Variants in VTN observed in about 807,000 individuals in gnomAD.
VTN encodes complement S-protein.
In VTN, 45 loss-of-function variants were observed where a neutral mutation model predicts 55.9. The ratio of observed to expected loss-of-function variants is 0.80; its 90% CI spans 0.63 to 1.03. The LOEUF (loss-of-function observed/expected upper bound fraction) is 1.03. Among genes scored for constraint, VTN ranks in the 50% least tolerant of loss-of-function variants. The probability of loss-of-function intolerance (pLI) is 0.00; values close to 1 mark genes in which losing one functional copy is unlikely to be tolerated. For missense variants in VTN, 589 were observed against 638.2 expected, an observed-to-expected ratio of 0.92 and a Z score of 0.83; for synonymous variants, 238 against 242.3, an observed-to-expected ratio of 0.98 and a Z score of 0.17.
rs368937297 is a variant in VTN at position 28,370,154 on chromosome 17, G to C, written c.50C>G (p.Ala17Gly). 9 of 1,613,670 alleles carry C rather than the reference G, an allele frequency of 5.6e-6. No individual in the cohort carries two copies. The highest frequency in any genetic ancestry group is 1.3e-5 in the African/African-American group (1 of 74,904). The change falls in exon 1 of 8, where the codon GCT (alanine) becomes GGT (glycine). Residue 17 changes from alanine (A) to glycine (G), a missense_variant. Around this residue, in one of 3 missense-constraint regions of VTN, gnomAD observed 217 missense variants for 241.3 expected, o/e 0.90. Transcript: ENST00000226218. The stretch of plus-strand genomic sequence containing the variant: ...CTCCCCTGTACCTTGGTCAGCCAGA[G>C]CAACCCATGCCAGCAGGGCCAGTAT... ...LLILALLAWV[A>G]LADQESCKGR...
chr17:28,370,233 G>T lies in VTN; in HGVS notation c.-30C>A. ...GGGCTTCTAGCTCAGTGCCTGGCAA[G>T]CTGGGCTCTGGTCTCCCTGAAGTCT... is the stretch of plus-strand genomic sequence containing the variant. On this transcript the variant is annotated 5_prime_UTR_variant, in exon 1 of 8. Transcript: ENST00000226218. 2 of 1,599,360 alleles carry T rather than the reference G, an allele frequency of 1.3e-6. No homozygotes were observed. The highest frequency in any genetic ancestry group is 1.7e-6 in the Non-Finnish European group (2 of 1,170,962).
At position 28,370,261 on chromosome 17, in the gene VTN, G is replaced by A. The variant is rs1213089363; in HGVS notation, c.-58C>T. On this transcript the variant is annotated 5_prime_UTR_variant, in exon 1 of 8. Transcript: ENST00000226218. The stretch of plus-strand genomic sequence containing the variant: ...GGGCTCTGGTCTCCCTGAAGTCTCC[G>A]CTCTGATGCCTGAGGAAGGGAGGGA... The A allele has an allele frequency of 1.2e-5, 18 of 1,551,138 alleles. No homozygotes were observed. The highest frequency in any genetic ancestry group is 6.8e-5 in the East Asian group (3 of 44,202).
At position 28,367,998 on chromosome 17, in the gene VTN, G is replaced by C; in HGVS notation, c.1041C>G (p.Asp347Glu). ...TGTAGATGCGGCCAGCCATGGCTGC[G>C]TCCACTTGCCCTGGCACACCGTGCC... ...RDWHGVPGQV[D>E]AAMAGRIYIS... The change falls in exon 7 of 8, where the codon GAC (aspartate) becomes GAG (glutamate). Residue 347 changes from aspartate (D) to glutamate (E), a missense_variant. This residue lies in a region of VTN where 334 missense variants were observed against 328.2 expected (regional missense o/e 1.02). Coordinates refer to ENST00000226218, the MANE Select transcript of VTN (RefSeq NM_000638.4). 6.3e-7 allele frequency: 1 copy of C among 1,593,150 alleles called. No homozygotes were observed. The highest frequency in any genetic ancestry group is 8.5e-7 in the Non-Finnish European group (1 of 1,169,882).
At position 28,369,431 on chromosome 17, in the gene VTN, A is replaced by G. The variant is rs2067934261; in HGVS notation, c.530-3T>C. ...GTCCAGTTCATAGCAGTACTGCCCT[A>G]GAGTGGAGGAGATGGTGTGAGAGCA... On this transcript the variant is annotated splice_polypyrimidine_tract_variant and splice_region_variant and intron_variant, in intron 3 of 7. Coordinates refer to ENST00000226218, the MANE Select transcript of VTN (RefSeq NM_000638.4). The surrounding 1 kb of genome is among the most constrained non-coding windows in gnomAD (Gnocchi z 5.3). 1.3e-6 allele frequency: 2 copies of G among 1,590,858 alleles called. No homozygotes were observed. The highest frequency in any genetic ancestry group is 8.6e-7 in the Non-Finnish European group (1 of 1,165,374).
In VTN at chr17:28,369,264, T is replaced by C. The variant is rs1022345695; in HGVS notation, c.669+25A>G. ...TCTCAAACCCTCCCTAGATGCTTTCTACCCTGGCCCACAGCCCCTGGCACC... is the reference window on the plus strand; with the variant it reads ...TCTCAAACCCTCCCTAGATGCTTTCCACCCTGGCCCACAGCCCCTGGCACC... On this transcript the variant is annotated intron_variant, in intron 4 of 7. Coordinates refer to ENST00000226218, the MANE Select transcript of VTN (RefSeq NM_000638.4). The surrounding 1 kb of genome is among the most constrained non-coding windows in gnomAD (Gnocchi z 5.3). The C allele has an allele frequency of 6.4e-7, 1 of 1,559,224 alleles. No homozygotes were observed. The highest frequency in any genetic ancestry group is 2.3e-5 in the East Asian group (1 of 44,110).
At position 28,367,842 on chromosome 17, in the gene VTN, G is replaced by A; in HGVS notation, c.1197C>T (p.Ala399=). The change falls in exon 7 of 8, where the codon GCC becomes GCT. Residue 399 remains alanine, a synonymous_variant. Coordinates refer to ENST00000226218, the MANE Select transcript of VTN (RefSeq NM_000638.4). ...CACTGGAGAACAAGGACAGCCACGT[G>A]GCGCGGGATGGCCGGCGGGAGTTCT... The part of the protein sequence containing the change: ...RNQNSRRPSR[A]TWLSLFSSEE... The A allele has an allele frequency of 6.2e-7, 1 of 1,614,146 alleles. No individual in the cohort carries two copies. The highest frequency in any genetic ancestry group is 8.5e-7 in the Non-Finnish European group (1 of 1,180,038).
chr17:28,369,981 A>G lies in VTN; in HGVS notation c.130T>C (p.Cys44Arg). Residue 44 changes from cysteine (C) to arginine (R), a missense_variant, in exon 2 of 8, where the codon TGC becomes CGC. Cys to Arg is a radical substitution (Grantham distance 180). Transcript: ENST00000226218. The surrounding 1 kb of genome is among the most constrained non-coding windows in gnomAD (Gnocchi z 5.3). ...GTGCAGCAGCTCTGGTAGTAAGAGCAGAGCTCGTCACACTGGCACTTCTTG... is the reference window on the plus strand; with the variant it reads ...GTGCAGCAGCTCTGGTAGTAAGAGCGGAGCTCGTCACACTGGCACTTCTTG... Reference protein sequence around the residue: ...VDKKCQCDELCSYYQSCCTDY... With the variant: ...VDKKCQCDELRSYYQSCCTDY... 1 of 1,614,110 alleles carries G rather than the reference A, an allele frequency of 6.2e-7. No homozygotes were observed. Among genetic ancestry groups the G allele is most frequent in the Non-Finnish European group, 8.5e-7 (1 of 1,180,016 alleles).
rs377647331 is a variant in VTN at position 28,368,033 on chromosome 17, T to C, written c.1006A>G (p.Ser336Gly). 2.8e-5 allele frequency: 45 copies of C among 1,586,614 alleles called. No homozygotes were observed. Among genetic ancestry groups the C allele is most frequent in the Admixed American group, 9.0e-5 (5 of 55,846 alleles). Residue 336 changes from serine to glycine, a missense_variant, in exon 7 of 8, where the codon AGC becomes GGC. Ser to Gly is a moderately conservative substitution (Grantham distance 56). Coordinates refer to ENST00000226218, the MANE Select transcript of VTN (RefSeq NM_000638.4). The part of the protein sequence containing the change: ...SAGTRQPQFI[S>G]RDWHGVPGQV... Reference sequence around the variant, plus strand: ...CCTGGCACACCGTGCCAGTCCCGGCTAATGAACTGGGGCTGTCTGGTACCA... The same window carrying C: ...CCTGGCACACCGTGCCAGTCCCGGCCAATGAACTGGGGCTGTCTGGTACCA...
chr17:28,369,687 T>C lies in VTN; in HGVS notation c.349A>G (p.Lys117Glu), dbSNP rs1597811868. 2 of 1,613,810 alleles carry C rather than the reference T, an allele frequency of 1.2e-6. No individual in the cohort carries two copies. The highest frequency in any genetic ancestry group is 1.7e-6 in the Non-Finnish European group (2 of 1,179,986). Residue 117 changes from lysine (K) to glutamate (E), a missense_variant, in exon 3 of 8, where the codon AAA becomes GAA. By Grantham distance (56) the Lys-to-Glu change is moderately conservative. Transcript: ENST00000226218. This position sits in a 1 kb window ranked among gnomAD's most constrained non-coding sequence, Gnocchi z 5.3. Reference protein sequence around the residue: ...KGNPEQTPVLKPEEEAPAPEV... With the variant: ...KGNPEQTPVLEPEEEAPAPEV... ...GGCGCAGGGGCCTCTTCCTCAGGTTTCAGAACAGGTGTCTGCTCAGGATTC... is the reference window on the plus strand; with the variant it reads ...GGCGCAGGGGCCTCTTCCTCAGGTTCCAGAACAGGTGTCTGCTCAGGATTC...
chr17:28,368,969 G>T lies in VTN; in HGVS notation c.729C>A (p.Ile243=), dbSNP rs1555583486. The T allele has an allele frequency of 6.2e-7, 1 of 1,604,162 alleles. No individual in the cohort carries two copies. Among genetic ancestry groups the T allele is most frequent in the East Asian group, 2.2e-5 (1 of 44,864 alleles). The change falls in exon 5 of 8, where the codon ATC becomes ATA. Residue 243 remains isoleucine, a synonymous_variant. Coordinates refer to ENST00000226218, the MANE Select transcript of VTN (RefSeq NM_000638.4). ...GVLDPDYPRN[I]SDGFDGIPDN... ...CCGGGATGCCATCGAAGCCGTCAGAGATATTTCGGGGGTAATCAGGGTCCA... is the reference window on the plus strand; with the variant it reads ...CCGGGATGCCATCGAAGCCGTCAGATATATTTCGGGGGTAATCAGGGTCCA...
At chr17:28,368,389 A>AG in intron 6 of VTN, 132 bp downstream of exon 6, 1 of 1,315,960 alleles carries the variant, frequency 7.6e-7, no homozygotes, top group Non-Finnish European at 1.0e-6. Flanking sequence ...ACAGAAGCAA[A>AG]GTCTGGCCTG....
In VTN at chr17:28,368,627, C is replaced by T. The variant is rs2067927373; in HGVS notation, c.873G>A (p.Glu291=). 6.2e-7 allele frequency: 1 copy of T among 1,613,874 alleles called. No individual in the cohort carries two copies. The highest frequency in any genetic ancestry group is 8.5e-7 in the Non-Finnish European group (1 of 1,180,032). ...CCGACAGGGAGCTGCCTTCACACTC[C>T]TCCTGACTGGGCTGGTGCTGGAACT... ...EYQFQHQPSQ[E]ECEGSSLSAV... The change falls in exon 6 of 8, where the codon GAG becomes GAA. Residue 291 remains glutamate (E), a synonymous_variant. Transcript: ENST00000226218.
At chr17:28,370,068 C>A (rs782588952) in intron 1 of VTN, 22 bp from the exon 2 acceptor site, 2 of 1,614,030 alleles carry the variant, frequency 1.2e-6, no homozygotes, top group Non-Finnish European at 8.5e-7. Flanking sequence ...GAGTGTCAGT[C>A]GGTGCCACCA....
Position 28,369,934 on chromosome 17 carries a change from C to T in VTN, c.177G>A (p.Lys59=). 1 of 1,614,052 alleles carries T rather than the reference C, an allele frequency of 6.2e-7. No homozygotes were observed. Among genetic ancestry groups the T allele is most frequent in the Non-Finnish European group, 8.5e-7 (1 of 1,179,994 alleles). Residue 59 remains lysine (K), a synonymous_variant, in exon 2 of 8, where the codon AAG becomes AAA. Transcript: ENST00000226218. This position sits in a 1 kb window ranked among gnomAD's most constrained non-coding sequence, Gnocchi z 5.3. ...CCTGGGCTCTGAACACACCTTGGGG[C>T]TTGCACTCAGCCGTATAGTCTGTGC... is the stretch of plus-strand genomic sequence containing the variant. The part of the protein sequence containing the change: ...SCCTDYTAEC[K]PQVTRGDVFT...
At chr17:28,367,548 G>A in intron 7 of VTN, 67 bp from the exon 8 acceptor site, 1 of 1,463,758 alleles carries the variant, frequency 6.8e-7, no homozygotes, top group South Asian at 1.2e-5. Context: ...CCCTTGAGAA[G>A]TCTAGGGTCT....
chr17:28,367,728 G>C lies in VTN; in HGVS notation c.1311C>G (p.Phe437Leu), dbSNP rs782457121. 38 of 1,610,052 alleles carry C rather than the reference G, an allele frequency of 2.4e-5. No individual in the cohort carries two copies. Among genetic ancestry groups the C allele is most frequent in the Non-Finnish European group, 3.2e-5 (38 of 1,177,226 alleles). ...PATCEPIQSV[F>L]FFSGDKYYRV... ...AGCGGCTCCTACCTCCAGAGAAGAAGAAGACACTCTGGATGGGTTCACAGG... is the reference window on the plus strand; with the variant it reads ...AGCGGCTCCTACCTCCAGAGAAGAACAAGACACTCTGGATGGGTTCACAGG... Residue 437 changes from phenylalanine (F) to leucine (L), a missense_variant, in exon 7 of 8, where the codon TTC becomes TTG. Physicochemically the swap from Phe to Leu is conservative, Grantham distance 22. This residue lies in a region of VTN where 334 missense variants were observed against 328.2 expected (regional missense o/e 1.02). Transcript: ENST00000226218.
chr17:28,368,731 C>T (rs1231140772), intron 5 of VTN, 58 bp from the exon 6 acceptor site: 1 of 1,609,798 alleles, frequency 6.2e-7, no homozygotes, highest in African/African-American at 1.3e-5. Context: ...CTGGAGATCC[C>T]AGAGGCTGTT....
In VTN at chr17:28,368,935, C is replaced by A; in HGVS notation, c.763G>T (p.Asp255Tyr). Residue 255 changes from aspartate to tyrosine, a missense_variant, in exon 5 of 8, where the codon GAT (aspartate) becomes TAT (tyrosine). Around this residue, in one of 3 missense-constraint regions of VTN, gnomAD observed 334 missense variants for 328.2 expected, o/e 1.02. Coordinates refer to ENST00000226218, the MANE Select transcript of VTN (RefSeq NM_000638.4). ...TGGGCAGGGAGGGCCAAGGCTGCATCCACGTTGTCCGGGATGCCATCGAAG... is the reference window on the plus strand; with the variant it reads ...TGGGCAGGGAGGGCCAAGGCTGCATACACGTTGTCCGGGATGCCATCGAAG... ...DGFDGIPDNVDAALALPAHSY... is the reference protein window; with the variant it reads ...DGFDGIPDNVYAALALPAHSY... 1 of 1,606,420 alleles carries A rather than the reference C, an allele frequency of 6.2e-7. No individual in the cohort carries two copies. The highest frequency in any genetic ancestry group is 1.1e-5 in the South Asian group (1 of 89,962).
At position 28,369,949 on chromosome 17, in the gene VTN, A is replaced by G. The variant is rs368676051; in HGVS notation, c.162T>C (p.Tyr54=). The G allele has an allele frequency of 1.2e-5, 20 of 1,614,110 alleles. No homozygotes were observed. Among genetic ancestry groups the G allele is most frequent in the Non-Finnish European group, 1.7e-5 (20 of 1,180,022 alleles). ...CSYYQSCCTD[Y]TAECKPQVTR... is the part of the protein sequence containing the mutation. ...CACCTTGGGGCTTGCACTCAGCCGT[A>G]TAGTCTGTGCAGCAGCTCTGGTAGT... The change falls in exon 2 of 8, where the codon TAT becomes TAC. Residue 54 remains tyrosine, a synonymous_variant. Transcript: ENST00000226218. This position sits in a 1 kb window ranked among gnomAD's most constrained non-coding sequence, Gnocchi z 5.3.
Sources: allele counts gnomAD v4.1 joint callset, GRCh38; gene constraint gnomAD v4.1.1; regional missense constraint gnomAD v4.1.1; non-coding constraint Gnocchi (gnomAD v3.1); transcripts MANE v1.5; gene names NCBI Gene and HGNC (gene_info 2026-07-23, HGNC 2026-07-21).